Variants in BCAT2 observed in about 807,000 individuals in gnomAD.
BCAT2 encodes the protein branched-chain-amino-acid aminotransferase, mitochondrial.
BCAT2 carries 44 observed loss-of-function variants against 52.9 expected under a neutral mutation model. The ratio of observed to expected loss-of-function variants is 0.83; its 90% CI spans 0.65 to 1.07. The LOEUF (loss-of-function observed/expected upper bound fraction) is 1.07. BCAT2 is among the 50% of genes least tolerant of loss of function. The probability of loss-of-function intolerance (pLI) is 0.00; values close to 1 mark genes in which losing one functional copy is unlikely to be tolerated. For synonymous variants in BCAT2, 215 were observed against 217.1 expected, an observed-to-expected ratio of 0.99 and a Z score of 0.08; for missense variants, 478 against 521.8, an observed-to-expected ratio of 0.92 and a Z score of 0.82.
intron 1 of BCAT2, chr19:48,808,220 G>C (rs957577998): frequency 2.0e-6 from 2 of 985,880 alleles, no homozygotes; most frequent in African/African-American, 3.5e-5. Context: ...AGACTGCTCA[G>C]CCTTGCAGCC....
At chr19:48,810,906 G>C in intron 1 of BCAT2, 78 bp downstream of exon 1, 3 of 1,565,858 alleles carry the variant, frequency 1.9e-6, no homozygotes, top group South Asian at 1.2e-5. Flanking sequence ...AGTCGGACCG[G>C]CTGCAGGCCA....
intron 10 of BCAT2, 25 bp from the exon 11 acceptor site, chr19:48,795,489 TGAG>T (rs760718273): frequency 1.5e-5 from 24 of 1,612,878 alleles, no homozygotes; most frequent in Non-Finnish European, 1.9e-5. Flanking sequence ...AGGCAGTGCG[TGAG>T]GTGGAAGCTG....
At position 48,807,544 on chromosome 19, in the gene BCAT2, C is replaced by T. The variant is rs2034818637; in HGVS notation, c.25-470G>A. ...GTAAGAGTCCAGACTCTAGCTGCCT[C>T]CTCCCTCAGACCCGAAGTCTGGGCC... is the stretch of plus-strand genomic sequence containing the variant. On this transcript the variant is annotated intron_variant, in intron 1 of 10. Coordinates refer to ENST00000316273, the MANE Select transcript of BCAT2 (RefSeq NM_001190.4). The surrounding 1 kb of genome is among the most constrained non-coding windows in gnomAD (Gnocchi z 4.6). The T allele has an allele frequency of 4.4e-6, 1 of 226,200 alleles. No individual in the cohort carries two copies. Among genetic ancestry groups the T allele is most frequent in the Non-Finnish European group, 7.4e-6 (1 of 134,266 alleles). 14.0% of individuals were successfully genotyped at this position (226,200 alleles called of 1,614,324 possible).
intron 1 of BCAT2, among the ~76,000 whole-genome samples, chr19:48,809,066 CAAAAAAAAAAAAAAAAA>C (rs3057799): frequency 3.5e-3 from 102 of 28,968 alleles, no homozygotes; most frequent in Non-Finnish European, 4.8e-3. Context: ...GAGTGTCTCT[CAAAAAAAAAAAAAAAAA>C]AAAAAAAAAA....
rs954781079 is a variant in BCAT2, at chr19:48,806,663, CG to C, written c.153del (p.Gly52AlafsTer15). 1 of 1,613,906 alleles carries C rather than the reference CG, an allele frequency of 6.2e-7. No homozygotes were observed. The highest frequency in any genetic ancestry group is 1.3e-5 in the African/African-American group (1 of 74,908). ...MTQKPHKKPG[P>X]GEPLVFGKTF... is the part of the protein sequence containing the mutation. ...GTCTTCCCAAACACCAGGGGCTCGC[CG>C]GGGCCAGGCTTCTTATGAGGCTTCT... On this transcript the variant is annotated frameshift_variant, in exon 3 of 11. Transcript: ENST00000316273. LOFTEE classifies it high-confidence loss of function.
chr19:48,804,928 T>A (rs2034733923), intron 3 of BCAT2, among the ~76,000 whole-genome samples: 1 of 151,590 alleles, frequency 6.6e-6, no homozygotes. Context: ...CTGTACAGAA[T>A]CGACTGGTGT....
rs2034551979 is a variant in BCAT2, at chr19:48,797,418, TCCC to T, written c.696-88_696-86del. The T allele has an allele frequency of 2.0e-6, 3 of 1,499,748 alleles. No homozygotes were observed. The East Asian group carries it at 6.9e-5, about 34-fold the overall frequency. 92.9% of individuals were successfully genotyped at this position (1,499,748 alleles called of 1,614,324 possible). A position where few individuals can be genotyped will look rare whatever the true frequency, so the allele number is the denominator to read the frequency against. On this transcript the variant is annotated intron_variant, in intron 6 of 10. Coordinates refer to ENST00000316273, the MANE Select transcript of BCAT2 (RefSeq NM_001190.4). Reference sequence around the variant, plus strand: ...CCCAGAGGAGGCTCATCCTACTCTCTCCCGTCTCCCTGCTCACAGCTCTCACAG... The same window carrying T: ...CCCAGAGGAGGCTCATCCTACTCTCTGTCTCCCTGCTCACAGCTCTCACAG...
At chr19:48,796,875 G>T in intron 8 of BCAT2, 62 bp downstream of exon 8, 1 of 1,603,390 alleles carries the variant, frequency 6.2e-7, no homozygotes, top group South Asian at 1.1e-5. Context: ...CCCAGTCCCA[G>T]CCCTCTGATG....
At chr19:48,806,845 C>T (rs2034796128) in intron 2 of BCAT2, 128 bp from the exon 3 acceptor site, 39 of 1,377,020 alleles carry the variant, frequency 2.8e-5, no homozygotes, top group Non-Finnish European at 3.9e-5. Context: ...GATTCTGGGA[C>T]ATGCAGTTTC....
rs1038067938 is a variant in BCAT2, at chr19:48,807,568, C to T, written c.25-494G>A. 1.1e-5 allele frequency: 4 copies of T among 364,938 alleles called. No homozygotes were observed. The highest frequency in any genetic ancestry group is 1.5e-5 in the Non-Finnish European group (4 of 261,582). 22.6% of individuals were successfully genotyped at this position (364,938 alleles called of 1,614,324 possible). ...TCCTCCCTCAGACCCGAAGTCTGGG[C>T]CCCCAGCCCCTCCTCCCTCAGACCC... On this transcript the variant is annotated intron_variant, in intron 1 of 10. Coordinates refer to ENST00000316273, the MANE Select transcript of BCAT2 (RefSeq NM_001190.4). This position sits in a 1 kb window ranked among gnomAD's most constrained non-coding sequence, Gnocchi z 4.6.
chr19:48,795,337 T>C lies in BCAT2; in HGVS notation c.*89A>G, dbSNP rs2034477913. ...CCGCCCGCTGGCCTTTTATTTCGTA[T>C]TGCACTTCAGGTGAGTCATTGGTAG... On this transcript the variant is annotated 3_prime_UTR_variant, in exon 11 of 11. Coordinates refer to ENST00000316273, the MANE Select transcript of BCAT2 (RefSeq NM_001190.4). The C allele has an allele frequency of 1.3e-6, 2 of 1,559,626 alleles. No homozygotes were observed. The highest frequency in any genetic ancestry group is 8.8e-7 in the Non-Finnish European group (1 of 1,136,890).
Position 48,800,302 on chromosome 19 carries a change from G to C in BCAT2, c.301-5C>G. On this transcript the variant is annotated splice_region_variant and splice_polypyrimidine_tract_variant and intron_variant, in intron 3 of 10. Transcript: ENST00000316273. ...CGCCTTCATGCCCTCAAACAGCTGC[G>C]GGGACACGCGGGTGGGGAGGCTCAG... 2 of 1,612,632 alleles carry C rather than the reference G, an allele frequency of 1.2e-6. No homozygotes were observed. The highest frequency in any genetic ancestry group is 1.1e-5 in the South Asian group (1 of 91,042).
chr19:48,811,011 C>A lies in BCAT2; in HGVS notation c.-4G>T. ...GCCCCAGAGCGGCTGCGGCCATGAT[C>A]CGTGCGGCGCGTAACTGTGCCCGCC... On this transcript the variant is annotated 5_prime_UTR_variant, in exon 1 of 11. Transcript: ENST00000316273. 2 of 1,604,780 alleles carry A rather than the reference C, an allele frequency of 1.2e-6. No homozygotes were observed. The highest frequency in any genetic ancestry group is 1.7e-6 in the Non-Finnish European group (2 of 1,176,720).
chr19:48,808,400 G>C, intron 1 of BCAT2: 3 of 196,704 alleles, frequency 1.5e-5, no homozygotes, highest in Non-Finnish European at 2.5e-5. Context: ...CGCACAAACA[G>C]AAAAAAAAAA....
At position 48,806,582 on chromosome 19, in the gene BCAT2, G is replaced by C. The variant is rs753025021; in HGVS notation, c.235C>G (p.Arg79Gly). Residue 79 changes from arginine (R) to glycine (G), a missense_variant, in exon 3 of 11, where the codon CGA (arginine) becomes GGA (glycine). Coordinates refer to ENST00000316273, the MANE Select transcript of BCAT2 (RefSeq NM_001190.4). Reference protein sequence around the residue: ...EWNDKGWGQPRIQPFQNLTLH... With the variant: ...EWNDKGWGQPGIQPFQNLTLH... The stretch of plus-strand genomic sequence containing the variant: ...GTGAGGTTCTGGAAGGGCTGGATTC[G>C]GGGCTGGCCCCAGCCCTTGTCATTC... 1.9e-6 allele frequency: 3 copies of C among 1,614,170 alleles called. No individual in the cohort carries two copies. The highest frequency in any genetic ancestry group is 1.7e-5 in the Admixed American group (1 of 60,018).
rs1032149258 is a variant in BCAT2 at position 48,807,201 on chromosome 19, C to T, written c.25-127G>A. 1.3e-6 allele frequency: 1 copy of T among 782,814 alleles called. No homozygotes were observed. The highest frequency in any genetic ancestry group is 2.0e-6 in the Non-Finnish European group (1 of 492,536). The allele number at this position is 782,814 out of a possible 1,614,324, so 48.5% of individuals were successfully genotyped here. On this transcript the variant is annotated intron_variant, in intron 1 of 10. Coordinates refer to ENST00000316273, the MANE Select transcript of BCAT2 (RefSeq NM_001190.4). The surrounding 1 kb of genome is among the most constrained non-coding windows in gnomAD (Gnocchi z 4.6). ...TGTTCTGTCCCAGTTTCAGTCCATT[C>T]TAGACGGGGCAGGTGGTCCTGAAGG...
chr19:48,795,538 G>A, intron 10 of BCAT2, 74 bp from the exon 11 acceptor site: 2 of 1,555,672 alleles, frequency 1.3e-6, no homozygotes, highest in Non-Finnish European at 1.8e-6. Context: ...GGTGTTCCAG[G>A]CCGAGTGCCT....
At position 48,796,606 on chromosome 19, in the gene BCAT2, G is replaced by C; in HGVS notation, c.1037C>G (p.Pro346Arg). Residue 346 changes from proline (P) to arginine (R), a missense_variant, in exon 9 of 11, where the codon CCA becomes CGA. Physicochemically the swap from Pro to Arg is moderately radical, Grantham distance 103 (BLOSUM62 -2). Transcript: ENST00000316273. Reference protein sequence around the residue: ...FGSGTACQVCPVHRILYKDRN... With the variant: ...FGSGTACQVCRVHRILYKDRN... The stretch of plus-strand genomic sequence containing the variant: ...GTCTTTGTACAGGATTCGGTGCACT[G>C]GGCAGACCTGGCAAGCGGTGCCCGA... 1 of 1,613,562 alleles carries C rather than the reference G, an allele frequency of 6.2e-7. No individual in the cohort carries two copies. Among genetic ancestry groups the C allele is most frequent in the Non-Finnish European group, 8.5e-7 (1 of 1,180,000 alleles).
Position 48,807,679 on chromosome 19 carries a change from C to T in BCAT2, c.25-605G>A, listed in dbSNP as rs1293032651. 2.9e-5 allele frequency: 28 copies of T among 976,040 alleles called. No individual in the cohort carries two copies. The highest frequency in any genetic ancestry group is 3.4e-5 in the Non-Finnish European group (28 of 820,130). The allele number at this position is 976,040 out of a possible 1,614,324, so 60.5% of individuals were successfully genotyped here. On this transcript the variant is annotated intron_variant, in intron 1 of 10. Coordinates refer to ENST00000316273, the MANE Select transcript of BCAT2 (RefSeq NM_001190.4). The surrounding 1 kb of genome is among the most constrained non-coding windows in gnomAD (Gnocchi z 4.6). ...CCCTCAGACCCAGGAGTCCAGTTCC[C>T]CAGCCCCTCCTCCGCCAGACCCAGG...
Sources: gnomAD v4.1 joint callset for allele counts (sites outside exome capture counted in the v4.1 genomes callset) on GRCh38, gnomAD v4.1.1 for gene constraint, Gnocchi (gnomAD v3.1) non-coding constraint, MANE v1.5 for transcripts, NCBI Gene and HGNC (gene_info 2026-07-23, HGNC 2026-07-21) for gene names.